The following HMGA2 variants were observed in gnomAD, a reference collection of about 807,000 sequenced individuals.
HMGA2 encodes high mobility group protein HMGI-C.
In HMGA2, 8 loss-of-function variants were observed where a neutral mutation model predicts 19.1. The observed-to-expected ratio is 0.42, with a 90% CI of 0.25 to 0.76. The LOEUF (loss-of-function observed/expected upper bound fraction) is 0.76, where lower values mean the gene tolerates loss of function less well. HMGA2 is among the 30% of genes least tolerant of loss of function. HMGA2 has a pLI of 0.28. For missense variants in HMGA2, 109 were observed against 136.3 expected, an observed-to-expected ratio of 0.80 and a Z score of 1.00; for synonymous variants, 60 against 48.8, an observed-to-expected ratio of 1.23 and a Z score of -0.96.
At chr12:65,937,795 C>G (rs1875947006) in intron 3 of HMGA2, among the ~76,000 whole-genome samples, 1 of 152,236 alleles carries the variant, frequency 6.6e-6, no homozygotes, top group Non-Finnish European at 1.5e-5. Context: ...ACTTTATGCA[C>G]TAGCCCTGGA....
chr12:65,944,725 T>C (rs1390036671), intron 3 of HMGA2, among the ~76,000 whole-genome samples: 1 of 152,222 alleles, frequency 6.6e-6, no homozygotes, highest in Non-Finnish European at 1.5e-5. Flanking sequence ...AATTGATTGG[T>C]TCTGACCTAC....
At chr12:65,923,618 A>T in intron 3 of HMGA2, among the ~76,000 whole-genome samples, 1 of 152,236 alleles carries the variant, frequency 6.6e-6, no homozygotes, top group East Asian at 1.9e-4. Flanking sequence ...GTGGGAACCT[A>T]GAAGAGTATG....
At chr12:65,899,396 T>C (rs1474386137) in intron 3 of HMGA2, among the ~76,000 whole-genome samples, 1 of 152,228 alleles carries the variant, frequency 6.6e-6, no homozygotes, top group Non-Finnish European at 1.5e-5. Flanking sequence ...GATTCAGTAT[T>C]CACTCCATTA....
chr12:65,930,464 C>A (rs558775162), intron 3 of HMGA2, among the ~76,000 whole-genome samples: 44 of 152,272 alleles, frequency 2.9e-4, no homozygotes, highest in Non-Finnish European at 3.8e-4. Context: ...AGAGAGTTTG[C>A]GGGGAGCTTG....
chr12:65,886,455 G>C (rs959181330), intron 3 of HMGA2, among the ~76,000 whole-genome samples: 1 of 151,486 alleles, frequency 6.6e-6, no homozygotes, highest in Non-Finnish European at 1.5e-5. Flanking sequence ...TACCTCCCAG[G>C]TTCAAGCGAT....
intron 3 of HMGA2, among the ~76,000 whole-genome samples, chr12:65,901,447 G>A (rs1473084423): frequency 1.3e-5 from 2 of 152,114 alleles, no homozygotes; most frequent in East Asian, 3.9e-4. Context: ...GCACTTATTT[G>A]TTAATGACAT....
chr12:65,866,778 T>A (rs1197295878), intron 3 of HMGA2: 26 of 367,226 alleles, frequency 7.1e-5, no homozygotes, highest in East Asian at 5.2e-4. Flanking sequence ...GTGCCAACTT[T>A]AAAAAAAAAA....
intron 3 of HMGA2, among the ~76,000 whole-genome samples, chr12:65,869,228 T>C (rs1278175143): frequency 1.3e-5 from 2 of 152,184 alleles, no homozygotes; most frequent in Admixed American, 6.5e-5. Flanking sequence ...ACCATCATCA[T>C]GTACATTCAT....
chr12:65,882,195 T>C (rs1873448427), intron 3 of HMGA2: 1 of 351,236 alleles, frequency 2.8e-6, no homozygotes, highest in Non-Finnish European at 5.5e-6. Context: ...AGGAGGATCA[T>C]GTGCTGCTAT....
At chr12:65,939,765 C>T (rs11175972) in intron 3 of HMGA2, among the ~76,000 whole-genome samples, 2,630 of 152,192 alleles carry the variant, frequency 0.017, 31 homozygotes, top group Non-Finnish European at 0.026. Context: ...AACACATGCA[C>T]GGGAGCACCA....
At chr12:65,926,665 T>G (rs1237659587) in intron 3 of HMGA2, among the ~76,000 whole-genome samples, 2 of 152,372 alleles carry the variant, frequency 1.3e-5, no homozygotes, top group African/African-American at 4.8e-5. Context: ...CCTTTAAACC[T>G]GCTTTCAATC....
chr12:65,901,161 G>A (rs1874355510), intron 3 of HMGA2, among the ~76,000 whole-genome samples: 1 of 152,176 alleles, frequency 6.6e-6, no homozygotes, highest in Admixed American at 6.5e-5. Flanking sequence ...CTACAAGCAG[G>A]ACTTGACAGG....
intron 3 of HMGA2, among the ~76,000 whole-genome samples, chr12:65,862,827 T>G (rs1483795588): frequency 2.0e-5 from 3 of 152,180 alleles, no homozygotes; most frequent in Non-Finnish European, 4.4e-5. Context: ...AAATGAAATG[T>G]GATATAGAAA....
intron 3 of HMGA2, among the ~76,000 whole-genome samples, chr12:65,941,644 TCTTTC>T (rs1215610124): frequency 6.6e-6 from 1 of 152,208 alleles, no homozygotes; most frequent in Non-Finnish European, 1.5e-5. Flanking sequence ...ATGTACTGAC[TCTTTC>T]CTTAAGGAAA....
chr12:65,843,928 A>C (rs1188976655), intron 3 of HMGA2, among the ~76,000 whole-genome samples: 1 of 152,000 alleles, frequency 6.6e-6, no homozygotes, highest in Non-Finnish European at 1.5e-5. Context: ...CCATGCCTGT[A>C]GTCCCAGCTA....
intron 3 of HMGA2, chr12:65,857,249 G>T (rs907827444): frequency 2.0e-5 from 3 of 152,180 alleles, no homozygotes; most frequent in Non-Finnish European, 4.4e-5. Flanking sequence ...GGAATGAATA[G>T]ACCTGAAAAC....
intron 3 of HMGA2, among the ~76,000 whole-genome samples, chr12:65,916,060 T>A (rs1875088431): frequency 1.3e-5 from 2 of 152,248 alleles, no homozygotes; most frequent in South Asian, 4.2e-4. Context: ...CGTGCTGTCA[T>A]CCTTGCCAGA....
intron 3 of HMGA2, among the ~76,000 whole-genome samples, chr12:65,945,293 G>C (rs2121300088): frequency 6.6e-6 from 1 of 151,448 alleles, no homozygotes; most frequent in Non-Finnish European, 1.5e-5. Flanking sequence ...TTTGAAAAGT[G>C]ACCCAAACAC....
intron 3 of HMGA2, among the ~76,000 whole-genome samples, chr12:65,933,653 T>C (rs559776699): frequency 6.6e-6 from 1 of 152,316 alleles, no homozygotes; most frequent in South Asian, 2.1e-4. Context: ...GGTAAGTCTG[T>C]TATTCTGAAA....
Sources: allele counts gnomAD v4.1 joint callset (sites outside exome capture counted in the v4.1 genomes callset), GRCh38; gene constraint gnomAD v4.1.1; transcripts MANE v1.5; gene names NCBI Gene and HGNC (gene_info 2026-07-23, HGNC 2026-07-21).